Variants in SPATA9 observed in about 807,000 individuals in gnomAD.
SPATA9 encodes the protein spermatogenesis-associated protein 9.
Under a neutral mutation model 25.5 loss-of-function variants are expected in SPATA9, and 27 were observed. That is an observed-to-expected ratio of 1.06 (90% CI 0.78 to 1.46). The LOEUF (loss-of-function observed/expected upper bound fraction) is 1.46, where lower values mean the gene tolerates loss of function less well. Ranked by LOEUF, SPATA9 falls within the 40% of genes most tolerant of loss-of-function variation. The pLI is 0.00. For synonymous variants in SPATA9, 102 were observed against 105.7 expected (o/e 0.97, Z 0.21); for missense variants, 282 against 297.5 (o/e 0.95, Z 0.38).
At chr5:95,652,194 A>ATTC (rs1750377851), downstream of SPATA9, 3 of 1,479,934 alleles carry the variant, frequency 2.0e-6, no homozygotes, top group African/African-American at 4.2e-5. Context: ...GCTGTGAATG[A>ATTC]ATTTCATTTG....
rs990032986 is a variant in SPATA9, at chr5:95,678,579, C to T, written c.151-2940G>A. On this transcript the variant is annotated intron_variant, in intron 2 of 4. Transcript: ENST00000274432. ...AAGATGGCCTTTTCGTAAATAAATA[C>T]ATGCCTGGGTGGCGCGGGGGAGGGG... 3.0e-4 allele frequency among the ~76,000 whole-genome samples: 45 copies of T among 152,108 alleles called. 1 individual carries two copies. Among genetic ancestry groups the T allele is most frequent in the Admixed American group, 2.9e-3 (45 of 15,264 alleles).
chr5:95,670,153 G>C (rs1394922443), intron 3 of SPATA9, among the ~76,000 whole-genome samples: 1 of 152,080 alleles, frequency 6.6e-6, no homozygotes, highest in African/African-American at 2.4e-5. Flanking sequence ...GCATGCTCTA[G>C]AGCTGAACAT....
At chr5:95,652,705 A>T (rs1750424623), downstream of SPATA9, 1 of 234,818 alleles carries the variant, frequency 4.3e-6, no homozygotes, top group South Asian at 1.3e-4. Flanking sequence ...GGAGTTAATA[A>T]ATAAATGTAG....
downstream of SPATA9, chr5:95,657,113 A>C (rs1244571155): frequency 2.0e-5 from 3 of 152,104 alleles, no homozygotes; most frequent in Admixed American, 6.5e-5. Context: ...GCCTATATGA[A>C]ATTTTCAAAT....
chr5:95,660,960 C>G (rs2112552499), intron 4 of SPATA9, among the ~76,000 whole-genome samples: 1 of 136,900 alleles, frequency 7.3e-6, no homozygotes, highest in Admixed American at 7.3e-5. Flanking sequence ...CTGCTACACA[C>G]TCTGTCTTCT....
At chr5:95,731,806 A>G in the SPATA9 span, 1 of 1,600,632 alleles carries the variant, frequency 6.2e-7, no homozygotes, top group Non-Finnish European at 8.5e-7. Flanking sequence ...CCGAGGAGAG[A>G]CCCGCGCGCT....
At chr5:95,664,863 G>A (rs1751606455) in intron 3 of SPATA9, among the ~76,000 whole-genome samples, 1 of 152,082 alleles carries the variant, frequency 6.6e-6, no homozygotes, top group African/African-American at 2.4e-5. Context: ...TCATATAAAT[G>A]CATGGTAAAA....
chr5:95,658,829 C>G lies in SPATA9; in HGVS notation c.559G>C (p.Glu187Gln). Residue 187 changes from glutamate to glutamine, a missense_variant, in exon 5 of 5, where the codon GAA becomes CAA. Physicochemically the swap from Glu to Gln is conservative, Grantham distance 29 (BLOSUM62 2). Transcript: ENST00000274432. ...TCAGAAAAGGCTTTTCTACAATTTT[C>G]ACTCTCCTCTCTGTTTTGCCTTATG... is the stretch of plus-strand genomic sequence containing the variant. ...ESIRQNREES[E>Q]NCRKAFSEPV... 1 of 1,613,948 alleles carries G rather than the reference C, an allele frequency of 6.2e-7. No homozygotes were observed. The highest frequency in any genetic ancestry group is 8.5e-7 in the Non-Finnish European group (1 of 1,179,902).
rs1752856259 is a variant in SPATA9, at chr5:95,675,594, CA to C, written c.195del (p.Ile65MetfsTer3). On this transcript the variant is annotated frameshift_variant, in exon 3 of 5. Transcript: ENST00000274432. LOFTEE classifies it high-confidence loss of function. Reference sequence around the variant, plus strand: ...GTTGCTCGATTAATCTTAGCTAAAGCAATAGCCATCCTGATTTTGGATGTTT... The same window carrying C: ...GTTGCTCGATTAATCTTAGCTAAAGCATAGCCATCCTGATTTTGGATGTTT... ...AQKTSKIRMAIALAKINRATL... is the reference protein window; with the variant it reads ...AQKTSKIRMAXALAKINRATL... The C allele has an allele frequency of 6.2e-7, 1 of 1,614,124 alleles. No homozygotes were observed. Among genetic ancestry groups the C allele is most frequent in the Non-Finnish European group, 8.5e-7 (1 of 1,180,032 alleles).
intron 3 of SPATA9, 23 bp from the exon 4 acceptor site, chr5:95,664,071 C>A: frequency 7.1e-7 from 1 of 1,399,980 alleles, no homozygotes; most frequent in Non-Finnish European, 9.7e-7. Context: ...AAAAGATTTT[C>A]TTAATAAACA....
At chr5:95,719,824 C>T in the SPATA9 span, 1 of 152,178 alleles carries the variant, frequency 6.6e-6, no homozygotes, top group African/African-American at 2.4e-5. Flanking sequence ...CATAAATTGG[C>T]TTAATGCAGT....
At chr5:95,731,819 C>A in the SPATA9 span, 1 of 1,601,840 alleles carries the variant, frequency 6.2e-7, no homozygotes, top group Non-Finnish European at 8.5e-7. Context: ...CGCGCGCTGA[C>A]CGTGCTTCCC....
the SPATA9 span, among the ~76,000 whole-genome samples, chr5:95,705,023 C>A: frequency 0.17 from 26,200 of 151,706 alleles, 2,692 homozygotes; most frequent in East Asian, 0.5. Context: ...CAGCTCACTG[C>A]AGCCTCAACC....
chr5:95,681,439 T>C (rs1175807760), intron 2 of SPATA9, among the ~76,000 whole-genome samples: 1 of 152,144 alleles, frequency 6.6e-6, no homozygotes, highest in Non-Finnish European at 1.5e-5. Context: ...GGGACCCAAC[T>C]TAAAAGCATG....
the SPATA9 span, among the ~76,000 whole-genome samples, chr5:95,715,107 C>T: frequency 2.4e-4 from 36 of 152,142 alleles, 1 homozygote; most frequent in African/African-American, 4.6e-4. Context: ...GGGCAGTTCA[C>T]GAGGTCAGGA....
chr5:95,655,983 C>A, downstream of SPATA9: 3 of 1,503,914 alleles, frequency 2.0e-6, no homozygotes, highest in South Asian at 1.2e-5. Flanking sequence ...GCAGCAGACT[C>A]TTCAGAGTCT....
At chr5:95,727,143 TA>T in the SPATA9 span, among the ~76,000 whole-genome samples, 9 of 152,240 alleles carry the variant, frequency 5.9e-5, no homozygotes, top group African/African-American at 1.9e-4. Context: ...GAAACTTTAA[TA>T]TTTTTTTAAA....
chr5:95,665,031 T>C (rs1241313530), intron 3 of SPATA9, among the ~76,000 whole-genome samples: 1 of 152,248 alleles, frequency 6.6e-6, no homozygotes, highest in Admixed American at 6.5e-5. Flanking sequence ...CTCAGTGGTA[T>C]ATTATGCAAT....
the SPATA9 span, among the ~76,000 whole-genome samples, chr5:95,721,086 G>A: frequency 1.3e-5 from 2 of 152,124 alleles, no homozygotes; most frequent in African/African-American, 4.8e-5. Context: ...AAATCAATAA[G>A]GATACACTAT....
Sources: gnomAD v4.1 joint callset for allele counts (sites outside exome capture counted in the v4.1 genomes callset) on GRCh38, gnomAD v4.1.1 for gene constraint, MANE v1.5 for transcripts, NCBI Gene and HGNC (gene_info 2026-07-23, HGNC 2026-07-21) for gene names.